TEX12: variants seen among roughly 807,000 people sequenced by gnomAD.
TEX12 encodes testis-expressed protein 12.
TEX12 carries 7 observed loss-of-function variants against 14.6 expected under a neutral mutation model. The observed-to-expected ratio is 0.48, with a 90% CI of 0.27 to 0.90. The LOEUF is 0.90. Ranked by LOEUF, TEX12 falls within the 40% of genes least tolerant of loss-of-function variation. The pLI is 0.12. For synonymous variants in TEX12, 57 were observed against 49.1 expected (o/e 1.16, Z -0.67); for missense variants, 121 against 135.7 (o/e 0.89, Z 0.54).
intron 1 of TEX12, among the ~76,000 whole-genome samples, chr11:112,167,946 G>C (rs1439669889): frequency 6.6e-6 from 1 of 152,166 alleles, no homozygotes; most frequent in Admixed American, 6.5e-5. Context: ...CTGCCTGTTG[G>C]CTTCTCTGAA....
chr11:112,169,396 C>T (rs947668928), intron 2 of TEX12, 65 bp downstream of exon 2: 36 of 1,278,938 alleles, frequency 2.8e-5, no homozygotes, highest in Non-Finnish European at 4.1e-5. Context: ...AAATTTCTTC[C>T]CTTTAAGAAA....
intron 1 of TEX12, among the ~76,000 whole-genome samples, 166 bp from the exon 2 acceptor site, chr11:112,169,084 TAGC>T (rs1414504217): frequency 2.0e-5 from 3 of 152,276 alleles, no homozygotes; most frequent in Admixed American, 2.0e-4. Context: ...ATTACCCAAA[TAGC>T]AGTTGATAGA....
At chr11:112,169,364 T>C in intron 2 of TEX12, 33 bp downstream of exon 2, 1 of 1,529,744 alleles carries the variant, frequency 6.5e-7, no homozygotes, top group Non-Finnish European at 9.1e-7. Context: ...CTTAATCTTT[T>C]ATTCTGTTTT....
intron 2 of TEX12, among the ~76,000 whole-genome samples, chr11:112,170,155 C>G (rs1321972345): frequency 2.6e-5 from 4 of 152,096 alleles, no homozygotes; most frequent in Non-Finnish European, 5.9e-5. Context: ...GCCTAGGTGA[C>G]AGAGCGAGAA....
chr11:112,170,297 T>C, intron 2 of TEX12, 122 bp from the exon 3 acceptor site: 1 of 631,780 alleles, frequency 1.6e-6, no homozygotes, highest in South Asian at 2.4e-5. Flanking sequence ...CTAAGTCATA[T>C]GCTTTCTAGC....
At chr11:112,169,507 A>C (rs915092625) in intron 2 of TEX12, among the ~76,000 whole-genome samples, 176 bp downstream of exon 2, 1 of 152,198 alleles carries the variant, frequency 6.6e-6, no homozygotes, top group Non-Finnish European at 1.5e-5. Context: ...TTTTTCACTA[A>C]GTATAGGCCT....
At chr11:112,169,178 G>A (rs1233808748) in intron 1 of TEX12, 75 bp from the exon 2 acceptor site, 9 of 980,462 alleles carry the variant, frequency 9.2e-6, no homozygotes, top group African/African-American at 1.6e-5. Context: ...GTAGGAGTGG[G>A]AAACAGGGAA....
chr11:112,168,637 C>T (rs1342863815), intron 1 of TEX12, among the ~76,000 whole-genome samples: 1 of 152,044 alleles, frequency 6.6e-6, no homozygotes, highest in Non-Finnish European at 1.5e-5. Flanking sequence ...CTGCAACCTC[C>T]CTCTCCTGGG....
At chr11:112,171,742 AGTTTAAT>A in intron 4 of TEX12, 23 bp from the exon 5 acceptor site, 1 of 1,374,072 alleles carries the variant, frequency 7.3e-7, no homozygotes, top group Non-Finnish European at 9.7e-7. Flanking sequence ...ATATCTACTT[AGTTTAAT>A]ATACAACTTT....
chr11:112,171,617 A>AT (rs1387770290), intron 4 of TEX12, among the ~76,000 whole-genome samples, 155 bp from the exon 5 acceptor site: 5 of 151,360 alleles, frequency 3.3e-5, no homozygotes, highest in East Asian at 1.9e-4. Context: ...TGTGGGACTA[A>AT]TTTTTTTTTC....
In TEX12 at chr11:112,169,760, A is replaced by G. The variant is rs368206259; in HGVS notation, c.63+429A>G. Among the ~76,000 whole-genome samples the G allele has an allele frequency of 9.8e-4, 149 of 152,348 alleles. 1 individual carries two copies. The highest frequency in any genetic ancestry group is 3.4e-3 in the African/African-American group (143 of 41,584). On this transcript the variant is annotated intron_variant, in intron 2 of 4. Coordinates refer to ENST00000280358, the MANE Select transcript of TEX12 (RefSeq NM_031275.4). ...CCCTTGAAGATTATATTATTTAGCA[A>G]AATTTCACAAGCATTTGGCTACTGT...
At position 112,170,506 on chromosome 11, in the gene TEX12, G is replaced by A. The variant is rs1052695795; in HGVS notation, c.151G>A (p.Glu51Lys). 3.0e-5 allele frequency: 49 copies of A among 1,612,352 alleles called. No individual in the cohort carries two copies. In the Middle Eastern group the frequency reaches 4.9e-4, roughly 16 times the overall value. ...AATTTCCGGACTATTTTATAAAGATGAAGCCTTGGAGAAAGATTTAAATGG... is the reference window on the plus strand; with the variant it reads ...AATTTCCGGACTATTTTATAAAGATAAAGCCTTGGAGAAAGATTTAAATGG... ...SEISGLFYKD[E>K]ALEKDLNDVS... Residue 51 changes from glutamate to lysine, a missense_variant, in exon 3 of 5, where the codon GAA (glutamate) becomes AAA (lysine). Physicochemically the swap from Glu to Lys is moderately conservative, Grantham distance 56. Coordinates refer to ENST00000280358, the MANE Select transcript of TEX12 (RefSeq NM_031275.4).
chr11:112,169,165 G>A, intron 1 of TEX12, 88 bp from the exon 2 acceptor site: 1 of 827,560 alleles, frequency 1.2e-6, no homozygotes, highest in Non-Finnish European at 2.1e-6. Flanking sequence ...ATTAACATCA[G>A]CAGTAGGAGT....
chr11:112,167,888 G>A (rs2135333188), intron 1 of TEX12, among the ~76,000 whole-genome samples: 1 of 152,222 alleles, frequency 6.6e-6, no homozygotes, highest in South Asian at 2.1e-4. Context: ...AAGAGAAGGG[G>A]GTGAAGGGGA....
intron 4 of TEX12, 98 bp downstream of exon 4, chr11:112,170,772 A>G: frequency 2.2e-6 from 2 of 918,398 alleles, no homozygotes; most frequent in South Asian, 3.2e-5. Context: ...AAACCTCTCC[A>G]GTAATTAAAA....
chr11:112,170,428 C>A lies in TEX12; in HGVS notation c.73C>A (p.Pro25Thr), dbSNP rs765638641. The change falls in exon 3 of 5, where the codon CCA (proline) becomes ACA (threonine). Residue 25 changes from proline to threonine, a missense_variant. By Grantham distance (38) the Pro-to-Thr change is conservative. Transcript: ENST00000280358. ...KRPRELESPV[P>T]DSPQLSSLGK... ...TATTTTGTCCTGTTAGTCTCCAGTG[C>A]CAGATAGTCCACAGCTGTCCTCTCT... The A allele has an allele frequency of 4.4e-6, 7 of 1,608,990 alleles. No individual in the cohort carries two copies. The East Asian group carries it at 1.6e-4, about 36-fold the overall frequency.
intron 2 of TEX12, 113 bp downstream of exon 2, chr11:112,169,444 C>T: frequency 1.3e-6 from 1 of 793,210 alleles, no homozygotes. Flanking sequence ...ATTCGTATGC[C>T]CAGAGCTAGG....
intron 1 of TEX12, among the ~76,000 whole-genome samples, chr11:112,169,029 G>A (rs1866760290): frequency 6.6e-6 from 1 of 152,198 alleles, no homozygotes; most frequent in Non-Finnish European, 1.5e-5. Context: ...CTGGAACAAT[G>A]AAAGTTTTTG....
chr11:112,168,195 TCAG>T (rs1328015825), intron 1 of TEX12, among the ~76,000 whole-genome samples: 2 of 152,212 alleles, frequency 1.3e-5, no homozygotes, highest in African/African-American at 4.8e-5. Flanking sequence ...GTTACCCAAA[TCAG>T]CATCGTTTCT....
Sources: allele counts gnomAD v4.1 joint callset (sites outside exome capture counted in the v4.1 genomes callset), GRCh38; gene constraint gnomAD v4.1.1; transcripts MANE v1.5; gene names NCBI Gene and HGNC (gene_info 2026-07-23, HGNC 2026-07-21).